PRR16: variants seen among roughly 807,000 people sequenced by gnomAD.
PRR16 encodes the protein proline rich 16.
Under a neutral mutation model 18.2 loss-of-function variants are expected in PRR16, and 6 were observed. The observed-to-expected ratio is 0.33, with a 90% CI of 0.18 to 0.65. The LOEUF is 0.65. PRR16 is among the 30% of genes least tolerant of loss of function. The pLI, the probability that PRR16 is intolerant of heterozygous loss-of-function variation, is 0.74. For missense variants in PRR16, 412 were observed against 376.6 expected (o/e 1.09, Z -0.78); for synonymous variants, 151 against 147.8 (o/e 1.02, Z -0.16).
At chr5:120,625,594 T>C (rs532197282) in intron 1 of PRR16, among the ~76,000 whole-genome samples, 3 of 152,276 alleles carry the variant, frequency 2.0e-5, no homozygotes, top group African/African-American at 7.2e-5. Context: ...TGCCTTGGCC[T>C]CCCAAAGTGC....
At chr5:120,760,543 G>A in the PRR16 span, among the ~76,000 whole-genome samples, 1 of 151,964 alleles carries the variant, frequency 6.6e-6, no homozygotes, top group Non-Finnish European at 1.5e-5. Context: ...CATCTTTAAG[G>A]TACTACAGGA....
chr5:120,687,555 C>T (rs1183923077), downstream of PRR16, among the ~76,000 whole-genome samples: 1 of 152,210 alleles, frequency 6.6e-6, no homozygotes, highest in Non-Finnish European at 1.5e-5. Context: ...CCTCCTCATA[C>T]TCAGCATTCT....
chr5:120,546,708 G>A (rs984737287), intron 1 of PRR16, among the ~76,000 whole-genome samples: 4 of 151,966 alleles, frequency 2.6e-5, no homozygotes, highest in Non-Finnish European at 5.9e-5. Context: ...GAGTGAACAT[G>A]GAAATTCAGT....
At chr5:120,576,550 T>A (rs920160561) in intron 1 of PRR16, among the ~76,000 whole-genome samples, 50 of 152,296 alleles carry the variant, frequency 3.3e-4, no homozygotes, top group African/African-American at 1.2e-3. Flanking sequence ...AAGGAAACCC[T>A]TATACTCTGC....
chr5:120,498,160 T>C (rs1365069461), intron 1 of PRR16, among the ~76,000 whole-genome samples: 1 of 151,296 alleles, frequency 6.6e-6, no homozygotes, highest in Non-Finnish European at 1.5e-5. Context: ...TAGAAGTTTA[T>C]TTTTACTTAT....
At chr5:120,721,325 A>G in the PRR16 span, among the ~76,000 whole-genome samples, 2 of 152,032 alleles carry the variant, frequency 1.3e-5, no homozygotes. Context: ...GCATGTTGTA[A>G]GGTGATAAAT....
At chr5:120,786,471 A>G in the PRR16 span, among the ~76,000 whole-genome samples, 1 of 150,846 alleles carries the variant, frequency 6.6e-6, no homozygotes, top group East Asian at 1.9e-4. Flanking sequence ...TACTTCTTAT[A>G]ATGCAACAGA....
At chr5:120,625,529 G>A (rs918845241) in intron 1 of PRR16, among the ~76,000 whole-genome samples, 2 of 152,056 alleles carry the variant, frequency 1.3e-5, no homozygotes, top group South Asian at 2.1e-4. Flanking sequence ...GTAGAGACAG[G>A]TTCTCACTAT....
the PRR16 span, among the ~76,000 whole-genome samples, chr5:120,765,144 A>C: frequency 6.6e-6 from 1 of 152,098 alleles, no homozygotes; most frequent in Admixed American, 6.6e-5. Context: ...ATATGGTTCT[A>C]AAATGAAATA....
chr5:120,499,347 C>A (rs1750370826), intron 1 of PRR16, among the ~76,000 whole-genome samples: 2 of 151,822 alleles, frequency 1.3e-5, no homozygotes, highest in African/African-American at 4.8e-5. Flanking sequence ...TTAAGCCCTA[C>A]CCTCTTTCTC....
chr5:120,785,679 TCTC>T, the PRR16 span, among the ~76,000 whole-genome samples: 6 of 150,330 alleles, frequency 4.0e-5, no homozygotes, highest in Non-Finnish European at 5.9e-5. Context: ...TTCAAGCAAT[TCTC>T]CTGCCTCAGC....
chr5:120,773,548 A>C, the PRR16 span, among the ~76,000 whole-genome samples: 63,042 of 151,924 alleles, frequency 0.41, 13,320 homozygotes, highest in African/African-American at 0.48. Context: ...CTTTCCTTTT[A>C]TGACTTTGTC....
intron 1 of PRR16, among the ~76,000 whole-genome samples, chr5:120,502,642 T>C (rs1750502477): frequency 6.6e-6 from 1 of 152,142 alleles, no homozygotes; most frequent in South Asian, 2.1e-4. Flanking sequence ...ATTCTAGCCC[T>C]GTTACTAACC....
chr5:120,747,843 T>C, the PRR16 span, among the ~76,000 whole-genome samples: 2 of 152,096 alleles, frequency 1.3e-5, no homozygotes, highest in Admixed American at 6.6e-5. Context: ...TAATTTATGT[T>C]TTCCTTAGAT....
At chr5:120,632,060 A>T (rs892657798) in intron 1 of PRR16, among the ~76,000 whole-genome samples, 3 of 152,014 alleles carry the variant, frequency 2.0e-5, no homozygotes, top group African/African-American at 7.2e-5. Flanking sequence ...ACATCACAGG[A>T]CTCTGTGCAG....
chr5:120,496,293 A>T (rs1750243188), intron 1 of PRR16, among the ~76,000 whole-genome samples: 1 of 152,068 alleles, frequency 6.6e-6, no homozygotes, highest in Non-Finnish European at 1.5e-5. Context: ...TAATTCTTCT[A>T]TGAATGTTTA....
the PRR16 span, among the ~76,000 whole-genome samples, chr5:120,755,373 C>A: frequency 6.6e-6 from 1 of 152,038 alleles, no homozygotes; most frequent in Middle Eastern, 3.4e-3. Context: ...GTTTTTCAAC[C>A]CTTATCTTTT....
intron 1 of PRR16, among the ~76,000 whole-genome samples, chr5:120,569,646 A>G (rs1363820946): frequency 6.6e-6 from 1 of 152,080 alleles, no homozygotes; most frequent in African/African-American, 2.4e-5. Flanking sequence ...ACAAAACATC[A>G]CCCCACAAAG....
the PRR16 span, among the ~76,000 whole-genome samples, chr5:120,765,271 G>A: frequency 1.3e-5 from 2 of 152,016 alleles, no homozygotes; most frequent in African/African-American, 4.8e-5. Context: ...AAGAGAGACA[G>A]TGTAACCAAA....
Sources: gnomAD v4.1 joint callset for allele counts (sites outside exome capture counted in the v4.1 genomes callset) on GRCh38, gnomAD v4.1.1 for gene constraint, MANE v1.5 for transcripts, NCBI Gene and HGNC (gene_info 2026-07-23, HGNC 2026-07-21) for gene names.